Variants in BNC2 observed in about 807,000 individuals in gnomAD.
The protein encoded by BNC2 is basonuclin zinc finger protein 2.
A neutral mutation model predicts 76.3 loss-of-function variants in BNC2; 20 were observed. That is an observed-to-expected ratio of 0.26 (90% CI 0.18 to 0.38). The LOEUF (loss-of-function observed/expected upper bound fraction) is 0.38, where lower values mean the gene tolerates loss of function less well. Ranked by LOEUF, BNC2 falls within the 10% of genes least tolerant of loss-of-function variation. The pLI, the probability that BNC2 is intolerant of heterozygous loss-of-function variation, is 1.00. For synonymous variants in BNC2, 582 were observed against 514.8 expected, an observed-to-expected ratio of 1.13 and a Z score of -1.77; for missense variants, 1,382 against 1,399.8, an observed-to-expected ratio of 0.99 and a Z score of 0.20.
intron 5 of BNC2, among the ~76,000 whole-genome samples, chr9:16,442,571 G>C (rs886253832): frequency 6.6e-6 from 1 of 152,186 alleles, no homozygotes; most frequent in Non-Finnish European, 1.5e-5. Flanking sequence ...AGGGATAGTA[G>C]GGAAGGAACA....
intron 1 of BNC2, among the ~76,000 whole-genome samples, chr9:16,761,947 C>G (rs181394706): frequency 6.6e-6 from 1 of 152,250 alleles, no homozygotes. Flanking sequence ...TAAAATTTAT[C>G]ATGATACTCA....
chr9:16,842,505 T>C (rs941862709), intron 1 of BNC2, among the ~76,000 whole-genome samples: 1 of 152,084 alleles, frequency 6.6e-6, no homozygotes, highest in Non-Finnish European at 1.5e-5. Context: ...GGATTTACTG[T>C]TGAGGATAGA....
intron 3 of BNC2, among the ~76,000 whole-genome samples, chr9:16,688,226 T>C (rs1349943553): frequency 1.3e-5 from 2 of 152,186 alleles, no homozygotes; most frequent in Non-Finnish European, 2.9e-5. Flanking sequence ...AGGCAAACCA[T>C]ATCTCTTTCT....
intron 5 of BNC2, among the ~76,000 whole-genome samples, chr9:16,484,572 C>T (rs1439978045): frequency 6.6e-6 from 1 of 152,122 alleles, no homozygotes; most frequent in Non-Finnish European, 1.5e-5. Context: ...TTAATGTACA[C>T]CCCAATAAAA....
chr9:16,713,822 C>T (rs1162375004), intron 3 of BNC2, among the ~76,000 whole-genome samples: 2 of 151,960 alleles, frequency 1.3e-5, no homozygotes, highest in African/African-American at 4.8e-5. Flanking sequence ...TGCTTCTAAT[C>T]CCAGCACTTT....
intron 1 of BNC2, among the ~76,000 whole-genome samples, chr9:16,783,288 C>T (rs980339093): frequency 6.6e-6 from 1 of 152,138 alleles, no homozygotes; most frequent in Admixed American, 6.5e-5. Flanking sequence ...CACTGCTCAC[C>T]ATAAATCTTA....
chr9:16,690,563 C>T (rs1823127332), intron 3 of BNC2, among the ~76,000 whole-genome samples: 1 of 152,162 alleles, frequency 6.6e-6, no homozygotes, highest in Non-Finnish European at 1.5e-5. Flanking sequence ...CAACACAGTA[C>T]TTATCCATTT....
chr9:16,476,400 C>CA (rs900959473), intron 5 of BNC2, among the ~76,000 whole-genome samples: 3 of 152,128 alleles, frequency 2.0e-5, no homozygotes, highest in African/African-American at 7.2e-5. Context: ...CCAGTTCTTT[C>CA]AGCAGGCCAT....
intron 1 of BNC2, among the ~76,000 whole-genome samples, chr9:16,761,204 T>C (rs1825542766): frequency 6.6e-6 from 1 of 152,078 alleles, no homozygotes; most frequent in African/African-American, 2.4e-5. Context: ...GCCATGATTG[T>C]GCCACTGCAC....
At chr9:16,798,251 A>G (rs1040154757) in intron 1 of BNC2, among the ~76,000 whole-genome samples, 1 of 152,180 alleles carries the variant, frequency 6.6e-6, no homozygotes, top group Non-Finnish European at 1.5e-5. Context: ...AAAACCATAT[A>G]TCTTTGATGT....
intron 1 of BNC2, among the ~76,000 whole-genome samples, chr9:16,740,570 CAAA>C (rs897209738): frequency 6.6e-6 from 1 of 151,992 alleles, no homozygotes; most frequent in African/African-American, 2.4e-5. Flanking sequence ...ATTGTGAAGA[CAAA>C]GAAGCAGAAA....
At chr9:16,759,199 C>T (rs10962569) in intron 1 of BNC2, among the ~76,000 whole-genome samples, 8 of 152,052 alleles carry the variant, frequency 5.3e-5, no homozygotes, top group Admixed American at 3.3e-4. Context: ...TGATTTCATA[C>T]AAAAAATCGA....
intron 3 of BNC2, among the ~76,000 whole-genome samples, chr9:16,696,658 A>G (rs1823347855): frequency 6.6e-6 from 1 of 152,220 alleles, no homozygotes; most frequent in African/African-American, 2.4e-5. Flanking sequence ...TACACATAGC[A>G]GATAGTCAAC....
chr9:16,418,866 C>G lies in BNC2; in HGVS notation c.*123G>C. The G allele has an allele frequency of 9.6e-7, 1 of 1,043,660 alleles. No individual in the cohort carries two copies. Among genetic ancestry groups the G allele is most frequent in the Non-Finnish European group, 1.4e-6 (1 of 694,482 alleles). The allele number at this position is 1,043,660 out of a possible 1,614,324, so 64.6% of individuals were successfully genotyped here. A position where few individuals can be genotyped will look rare whatever the true frequency, so the allele number is the denominator to read the frequency against. On this transcript the variant is annotated 3_prime_UTR_variant, in exon 7 of 7. Transcript: ENST00000380672. The stretch of plus-strand genomic sequence containing the variant: ...TGTGTATATGTAGCCACAGAGCATA[C>G]ATAAATGCACACACACACACACACA...
chr9:16,661,056 C>A (rs999902754), intron 3 of BNC2, among the ~76,000 whole-genome samples: 6 of 152,010 alleles, frequency 3.9e-5, no homozygotes, highest in African/African-American at 1.4e-4. Flanking sequence ...TACCATTATT[C>A]CCATTTTAAA....
At chr9:16,575,389 T>C in intron 4 of BNC2, 1 of 985,400 alleles carries the variant, frequency 1.0e-6, no homozygotes, top group South Asian at 4.7e-5. Context: ...CACTTTATGT[T>C]CCATCTGAAT....
At chr9:16,707,020 G>A (rs1823695330) in intron 3 of BNC2, among the ~76,000 whole-genome samples, 1 of 152,218 alleles carries the variant, frequency 6.6e-6, no homozygotes, top group South Asian at 2.1e-4. Flanking sequence ...GGCTAACACG[G>A]TGAAACCCCG....
chr9:16,582,888 A>AACACACACAC, intron 4 of BNC2, 95 bp downstream of exon 4: 1 of 699,640 alleles, frequency 1.4e-6, no homozygotes, highest in South Asian at 1.7e-5. Flanking sequence ...GACTCCTCTA[A>AACACACACAC]ACAGACACAC....
chr9:16,820,554 T>C (rs1410691481), intron 1 of BNC2, among the ~76,000 whole-genome samples: 1 of 152,196 alleles, frequency 6.6e-6, no homozygotes, highest in East Asian at 1.9e-4. Flanking sequence ...CTTAAATAAC[T>C]ATGCCTTTCC....
Sources: gnomAD v4.1 joint callset for allele counts (sites outside exome capture counted in the v4.1 genomes callset) on GRCh38, gnomAD v4.1.1 for gene constraint, MANE v1.5 for transcripts, NCBI Gene and HGNC (gene_info 2026-07-23, HGNC 2026-07-21) for gene names.